DNM1L: variants seen among roughly 807,000 people sequenced by gnomAD.
DNM1L encodes dynamin 1L, also known as dynamin-1-like protein.
DNM1L carries 33 observed loss-of-function variants against 92.8 expected under a neutral mutation model. That is an observed-to-expected ratio of 0.36 (90% CI 0.27 to 0.48). The LOEUF is 0.48. Ranked by LOEUF, DNM1L falls within the 20% of genes least tolerant of loss-of-function variation. DNM1L has a pLI of 0.99. For synonymous variants in DNM1L, 284 were observed against 305.0 expected, an observed-to-expected ratio of 0.93 and a Z score of 0.72; for missense variants, 485 against 888.8, an observed-to-expected ratio of 0.55 and a Z score of 5.78.
intron 2 of DNM1L, among the ~76,000 whole-genome samples, chr12:32,703,369 A>G (rs955395012): frequency 2.0e-5 from 3 of 152,104 alleles, no homozygotes; most frequent in African/African-American, 7.2e-5. Flanking sequence ...TACCCCAAAC[A>G]CAATATAGAT....
chr12:32,718,233 T>C (rs1243177595), intron 6 of DNM1L, among the ~76,000 whole-genome samples: 1 of 149,228 alleles, frequency 6.7e-6, no homozygotes. Context: ...CCTCTGCCTC[T>C]CGGGTTCAAG....
intron 18 of DNM1L, among the ~76,000 whole-genome samples, chr12:32,741,180 T>C (rs538904053): frequency 6.6e-6 from 1 of 152,378 alleles, no homozygotes; most frequent in Non-Finnish European, 1.5e-5. Flanking sequence ...TTTTTGCTTG[T>C]AGACTTTTTA....
At chr12:32,737,829 T>G in intron 14 of DNM1L, 36 bp from the exon 15 acceptor site, 1 of 1,571,508 alleles carries the variant, frequency 6.4e-7, no homozygotes, top group Non-Finnish European at 8.8e-7. Flanking sequence ...TTTTGCATCC[T>G]TGATTTTTTT....
chr12:32,709,739 G>A (rs561427560), intron 4 of DNM1L: 8 of 152,286 alleles, frequency 5.3e-5, no homozygotes, highest in African/African-American at 1.9e-4. Context: ...CAAAGGTACT[G>A]GGCAGAGCTT....
intron 5 of DNM1L, chr12:32,711,220 A>C: frequency 3.8e-6 from 2 of 522,608 alleles, no homozygotes; most frequent in Non-Finnish European, 3.4e-6. Context: ...CTCACTGGCC[A>C]CTCCTTTTCA....
At chr12:32,721,210 T>A (rs1401453337) in intron 8 of DNM1L, among the ~76,000 whole-genome samples, 1 of 152,226 alleles carries the variant, frequency 6.6e-6, no homozygotes, top group African/African-American at 2.4e-5. Context: ...CTTTTATTTC[T>A]ATTCACTGTA....
chr12:32,718,603 C>T (rs1953659465), intron 6 of DNM1L, 40 bp from the exon 7 acceptor site: 1 of 1,612,134 alleles, frequency 6.2e-7, no homozygotes, highest in Non-Finnish European at 8.5e-7. Context: ...GGATCATTTT[C>T]TTTCTTTTCT....
intron 2 of DNM1L, among the ~76,000 whole-genome samples, chr12:32,703,057 C>CTT (rs781211967): frequency 2.3e-3 from 324 of 139,878 alleles, no homozygotes; most frequent in South Asian, 4.4e-3. Context: ...CTCTCTCTCT[C>CTT]TTTTTTTTTT....
At chr12:32,697,870 T>G (rs1952534401) in intron 1 of DNM1L, among the ~76,000 whole-genome samples, 1 of 151,876 alleles carries the variant, frequency 6.6e-6, no homozygotes, top group Non-Finnish European at 1.5e-5. Flanking sequence ...AATTTAATAG[T>G]CATTTGGAAA....
At chr12:32,700,476 A>G (rs1347673228) in intron 1 of DNM1L, among the ~76,000 whole-genome samples, 1 of 150,964 alleles carries the variant, frequency 6.6e-6, no homozygotes, top group Admixed American at 6.6e-5. Flanking sequence ...GGCCAGGAGC[A>G]GTGGTTCATG....
At chr12:32,693,450 T>C (rs1218058173) in intron 1 of DNM1L, among the ~76,000 whole-genome samples, 1 of 152,238 alleles carries the variant, frequency 6.6e-6, no homozygotes, top group Non-Finnish European at 1.5e-5. Flanking sequence ...TTTATTGTGG[T>C]TGAATTATCT....
chr12:32,717,003 A>T (rs1953410634), intron 6 of DNM1L, among the ~76,000 whole-genome samples: 1 of 143,824 alleles, frequency 7.0e-6, no homozygotes, highest in Non-Finnish European at 1.5e-5. Flanking sequence ...AACGTGTGAG[A>T]GTTCCAACTG....
chr12:32,741,342 G>A (rs1346213522), intron 18 of DNM1L, among the ~76,000 whole-genome samples: 3 of 152,206 alleles, frequency 2.0e-5, no homozygotes, highest in African/African-American at 7.2e-5. Flanking sequence ...CTGGGGTGCA[G>A]TGGCGCAGTC....
intron 1 of DNM1L, among the ~76,000 whole-genome samples, chr12:32,691,017 CAA>C (rs1279176017): frequency 6.6e-6 from 1 of 152,294 alleles, no homozygotes; most frequent in Non-Finnish European, 1.5e-5. Flanking sequence ...GCTGCCATAA[CAA>C]AATGTCACAG....
intron 6 of DNM1L, among the ~76,000 whole-genome samples, chr12:32,718,118 T>C (rs1432809938): frequency 2.1e-5 from 3 of 140,086 alleles, no homozygotes; most frequent in African/African-American, 7.9e-5. Context: ...TTATATATAA[T>C]ATAGTATATA....
Position 32,679,325 on chromosome 12 carries a change from C to A in DNM1L, c.-39C>A, listed in dbSNP as rs767523355. ...TGTGGGCCCCGGCCCCATTCATTGC[C>A]GTGGCCGGCGGGCACTGGGGCCCCG... On this transcript the variant is annotated 5_prime_UTR_variant, in exon 1 of 20. Coordinates refer to ENST00000549701, the MANE Select transcript of DNM1L (RefSeq NM_012062.5). 6 of 1,417,542 alleles carry A rather than the reference C, an allele frequency of 4.2e-6. No individual in the cohort carries two copies. The highest frequency in any genetic ancestry group is 1.7e-5 in the Admixed American group (1 of 58,176). The allele number at this position is 1,417,542 out of a possible 1,614,324, so 87.8% of individuals were successfully genotyped here.
At chr12:32,680,784 C>CT (rs1259938647) in intron 1 of DNM1L, among the ~76,000 whole-genome samples, 1 of 152,200 alleles carries the variant, frequency 6.6e-6, no homozygotes, top group Non-Finnish European at 1.5e-5. Context: ...ATTGCTCACT[C>CT]TAACCACAAT....
chr12:32,679,333 G>A lies in DNM1L; in HGVS notation c.-31G>A. 7 of 1,492,236 alleles carry A rather than the reference G, an allele frequency of 4.7e-6. No homozygotes were observed. The highest frequency in any genetic ancestry group is 6.5e-6 in the Non-Finnish European group (7 of 1,072,152). 92.4% of individuals were successfully genotyped at this position (1,492,236 alleles called of 1,614,324 possible). On this transcript the variant is annotated 5_prime_UTR_variant, in exon 1 of 20. Transcript: ENST00000549701. Reference sequence around the variant, plus strand: ...CCGGCCCCATTCATTGCCGTGGCCGGCGGGCACTGGGGCCCCGTGTTTTCA... The same window carrying A: ...CCGGCCCCATTCATTGCCGTGGCCGACGGGCACTGGGGCCCCGTGTTTTCA...
intron 2 of DNM1L, chr12:32,706,897 CAT>C (rs1300558374): frequency 1.5e-5 from 5 of 330,100 alleles, no homozygotes; most frequent in South Asian, 2.6e-5. Context: ...TTCCTTGAGT[CAT>C]ATGTGTACAT....
Sources: gnomAD v4.1 joint callset for allele counts (sites outside exome capture counted in the v4.1 genomes callset) on GRCh38, gnomAD v4.1.1 for gene constraint, MANE v1.5 for transcripts, NCBI Gene and HGNC (gene_info 2026-07-23, HGNC 2026-07-21) for gene names.